The following RAP1A variants were observed in gnomAD, a reference collection of about 807,000 sequenced individuals.
The protein encoded by RAP1A is RAP1A, member of RAS oncogene family.
In RAP1A, 6 loss-of-function variants were observed where a neutral mutation model predicts 26.4. That is an observed-to-expected ratio of 0.23 (90% confidence interval 0.12 to 0.45). RAP1A has a LOEUF of 0.45. Among genes scored for constraint, RAP1A ranks in the 20% least tolerant of loss-of-function variants. The probability of loss-of-function intolerance (pLI) is 0.99; values close to 1 mark genes in which losing one functional copy is unlikely to be tolerated. For missense variants in RAP1A, 121 were observed against 217.2 expected (o/e 0.56, Z 2.78); for synonymous variants, 73 against 79.4 (o/e 0.92, Z 0.43).
At chr1:111,682,664 C>A (rs1293080928) in intron 1 of RAP1A, among the ~76,000 whole-genome samples, 2 of 151,984 alleles carry the variant, frequency 1.3e-5, no homozygotes, top group Non-Finnish European at 2.9e-5. Flanking sequence ...ACAGGAGTAC[C>A]CAGATTCATA....
At chr1:111,545,657 T>G (rs1657009324) in intron 1 of RAP1A, among the ~76,000 whole-genome samples, 1 of 152,168 alleles carries the variant, frequency 6.6e-6, no homozygotes, top group South Asian at 2.1e-4. Flanking sequence ...TTGTCTTTTA[T>G]TGCTTGTGCT....
intron 1 of RAP1A, among the ~76,000 whole-genome samples, chr1:111,674,132 A>G (rs1252577241): frequency 6.6e-6 from 1 of 152,216 alleles, no homozygotes; most frequent in East Asian, 1.9e-4. Context: ...CTGTCTTGAA[A>G]GATACGCATT....
intron 1 of RAP1A, among the ~76,000 whole-genome samples, chr1:111,568,456 T>C (rs933125636): frequency 2.4e-4 from 37 of 152,166 alleles, no homozygotes; most frequent in Non-Finnish European, 5.9e-5. Flanking sequence ...ACCAAGGGGA[T>C]GCTAAACCAT....
chr1:111,594,144 A>G (rs1399275343), intron 1 of RAP1A, among the ~76,000 whole-genome samples: 3 of 152,186 alleles, frequency 2.0e-5, no homozygotes, highest in Admixed American at 6.5e-5. Context: ...CCTATCCCGC[A>G]TAAGTATAAA....
chr1:111,542,810 C>T (rs1656887237), intron 1 of RAP1A, among the ~76,000 whole-genome samples: 1 of 152,054 alleles, frequency 6.6e-6, no homozygotes, highest in Non-Finnish European at 1.5e-5. Flanking sequence ...GATTCTCCTG[C>T]CTCAACCTCT....
At chr1:111,633,323 G>C (rs1026793493) in intron 1 of RAP1A, among the ~76,000 whole-genome samples, 2 of 152,074 alleles carry the variant, frequency 1.3e-5, no homozygotes, top group Non-Finnish European at 2.9e-5. Context: ...ATAACCCCTG[G>C]CATGAAGTTT....
chr1:111,690,398 G>C (rs1408430519), intron 1 of RAP1A, among the ~76,000 whole-genome samples: 1 of 152,172 alleles, frequency 6.6e-6, no homozygotes, highest in East Asian at 1.9e-4. Flanking sequence ...GAATCCTTCT[G>C]CAGATTTCTG....
At chr1:111,609,471 T>C (rs1208811249) in intron 1 of RAP1A, among the ~76,000 whole-genome samples, 3 of 152,234 alleles carry the variant, frequency 2.0e-5, no homozygotes, top group South Asian at 2.1e-4. Flanking sequence ...ACCCTTTGGT[T>C]ACAGAGTCTT....
At chr1:111,701,282 T>G (rs1438823253) in intron 4 of RAP1A, among the ~76,000 whole-genome samples, 1 of 152,144 alleles carries the variant, frequency 6.6e-6, no homozygotes, top group Non-Finnish European at 1.5e-5. Flanking sequence ...GGCCTTTGCA[T>G]TTGCTCTTTC....
chr1:111,619,840 C>G lies in RAP1A; in HGVS notation c.-122C>G. ...CGCCGCTCCCGCTGCTGTCGCCGCG[C>G]AGAGCCGGAGCAGGAGCCACGGCCG... On this transcript the variant is annotated 5_prime_UTR_variant, in exon 1 of 8. Coordinates refer to ENST00000369709, the MANE Select transcript of RAP1A (RefSeq NM_002884.4). 1 of 399,034 alleles carries G rather than the reference C, an allele frequency of 2.5e-6. No homozygotes were observed. Among genetic ancestry groups the G allele is most frequent in the Non-Finnish European group, 4.4e-6 (1 of 226,914 alleles). The allele number at this position is 399,034 out of a possible 1,614,324, so 24.7% of individuals were successfully genotyped here. A position where few individuals can be genotyped will look rare whatever the true frequency, so the allele number is the denominator to read the frequency against.
At chr1:111,583,962 C>T (rs111768604) in intron 1 of RAP1A, among the ~76,000 whole-genome samples, 10,185 of 146,226 alleles carry the variant, frequency 0.07, 1,142 homozygotes, top group African/African-American at 0.24. Flanking sequence ...CTCACTGCAA[C>T]GTCCGCCTCC....
intron 1 of RAP1A, among the ~76,000 whole-genome samples, chr1:111,639,345 G>C (rs2763850): frequency 6.6e-6 from 1 of 151,520 alleles, no homozygotes; most frequent in Non-Finnish European, 1.5e-5. Context: ...TTAAGAGTCT[G>C]GTGTTTTGGC....
intron 1 of RAP1A, among the ~76,000 whole-genome samples, chr1:111,632,549 T>G (rs1360786627): frequency 1.3e-5 from 2 of 151,896 alleles, no homozygotes; most frequent in Non-Finnish European, 2.9e-5. Flanking sequence ...AAAAGAGAAA[T>G]GAAATTGATG....
upstream of RAP1A, chr1:111,619,775 C>T (rs1659111316): frequency 5.0e-6 from 2 of 397,280 alleles, no homozygotes; most frequent in East Asian, 7.1e-5. Flanking sequence ...CGTGCGCGTT[C>T]TGGAGGAGGC....
intron 1 of RAP1A, among the ~76,000 whole-genome samples, chr1:111,688,404 C>T (rs1205983244): frequency 6.6e-6 from 1 of 150,732 alleles, no homozygotes; most frequent in Non-Finnish European, 1.5e-5. Flanking sequence ...ACTGTAAGCA[C>T]TGCCTCCCAG....
chr1:111,695,972 C>T (rs1480105419), intron 3 of RAP1A, among the ~76,000 whole-genome samples: 1 of 152,120 alleles, frequency 6.6e-6, no homozygotes, highest in Non-Finnish European at 1.5e-5. Flanking sequence ...AACAAATGTA[C>T]CACTCTGGTG....
intron 1 of RAP1A, among the ~76,000 whole-genome samples, chr1:111,686,062 G>T (rs1307692292): frequency 6.6e-6 from 1 of 151,528 alleles, no homozygotes; most frequent in Admixed American, 6.6e-5. Flanking sequence ...CTCATAAGTG[G>T]GAGTTGAATA....
intron 1 of RAP1A, among the ~76,000 whole-genome samples, chr1:111,689,838 G>A (rs1037053871): frequency 2.0e-5 from 3 of 152,024 alleles, no homozygotes; most frequent in African/African-American, 7.2e-5. Context: ...CACCACGCCC[G>A]GCTAATTTTT....
intron 1 of RAP1A, among the ~76,000 whole-genome samples, chr1:111,549,879 C>T (rs994583726): frequency 2.6e-5 from 4 of 152,122 alleles, no homozygotes; most frequent in African/African-American, 9.7e-5. Context: ...CCTTAAACTC[C>T]TAGCCTCAAG....
Sources: allele counts gnomAD v4.1 joint callset (sites outside exome capture counted in the v4.1 genomes callset), GRCh38; gene constraint gnomAD v4.1.1; transcripts MANE v1.5; gene names NCBI Gene and HGNC (gene_info 2026-07-23, HGNC 2026-07-21).